FANCC: variants seen among roughly 807,000 people sequenced by gnomAD.
FANCC encodes Fanconi anemia group C protein.
Under a neutral mutation model 71.3 loss-of-function variants are expected in FANCC, and 55 were observed. The ratio of observed to expected loss-of-function variants is 0.77; its 90% CI spans 0.62 to 0.97. FANCC has a LOEUF of 0.97. FANCC is among the 50% of genes least tolerant of loss of function. The pLI is 0.00. For missense variants in FANCC, 678 were observed against 670.9 expected (o/e 1.01, Z -0.12); for synonymous variants, 275 against 244.9 (o/e 1.12, Z -1.15).
At chr9:95,212,614 A>G (rs771504841) in intron 4 of FANCC, among the ~76,000 whole-genome samples, 8 of 152,200 alleles carry the variant, frequency 5.3e-5, no homozygotes, top group Admixed American at 1.3e-4. Flanking sequence ...CTCAAGAGGA[A>G]GGAAAGTGAC....
intron 7 of FANCC, among the ~76,000 whole-genome samples, chr9:95,143,339 C>T (rs938553317): frequency 3.3e-5 from 5 of 152,132 alleles, no homozygotes; most frequent in African/African-American, 1.2e-4. Flanking sequence ...ACAATGTAAG[C>T]ACGACTGATT....
chr9:95,273,868 G>A lies in FANCC; in HGVS notation c.-78-24499C>T, dbSNP rs946750829. Among the ~76,000 whole-genome samples, 4 of 152,154 alleles carry A rather than the reference G, an allele frequency of 2.6e-5. No individual in the cohort carries two copies. In the East Asian group the frequency reaches 5.8e-4, roughly 22 times the overall value. ...CTGTCTGGGCAGACACTTCAAAACA[G>A]GGTGTAGCAAAGAGGAAATGATTGG... On this transcript the variant is annotated intron_variant, in intron 1 of 14. Transcript: ENST00000289081.
chr9:95,184,878 G>A lies in FANCC; in HGVS notation c.346-12731C>T, dbSNP rs182510664. ...TCCCTCCAATCACCTCTGGCTGAAC[G>A]TCCTAAAGGTACCAAGTACAGTAAA... On this transcript the variant is annotated intron_variant, in intron 4 of 14. Coordinates refer to ENST00000289081, the MANE Select transcript of FANCC (RefSeq NM_000136.3). Among the ~76,000 whole-genome samples the A allele has an allele frequency of 7.9e-5, 12 of 152,314 alleles. No homozygotes were observed. The East Asian group carries it at 1.4e-3, about 17-fold the overall frequency.
intron 4 of FANCC, among the ~76,000 whole-genome samples, chr9:95,219,044 G>GA (rs1344380270): frequency 1.3e-5 from 2 of 152,198 alleles, no homozygotes; most frequent in East Asian, 3.8e-4. Context: ...TCATTACAGA[G>GA]AAAAGTATGT....
At chr9:95,202,459 T>C (rs933521004) in intron 4 of FANCC, among the ~76,000 whole-genome samples, 2 of 152,212 alleles carry the variant, frequency 1.3e-5, no homozygotes, top group Admixed American at 1.3e-4. Context: ...GGGGCAGGGC[T>C]GCCTCTAGAA....
At chr9:95,149,856 C>T (rs1197476129) in intron 7 of FANCC, 67 bp downstream of exon 7, 7 of 1,522,970 alleles carry the variant, frequency 4.6e-6, no homozygotes, top group Non-Finnish European at 6.2e-6. Context: ...ACAGTCTTTC[C>T]AACACACCAC....
At chr9:95,270,493 G>C (rs1358742081) in intron 1 of FANCC, among the ~76,000 whole-genome samples, 1 of 152,212 alleles carries the variant, frequency 6.6e-6, no homozygotes, top group Non-Finnish European at 1.5e-5. Flanking sequence ...AGAAAAATAA[G>C]ATACTTCAGA....
intron 1 of FANCC, among the ~76,000 whole-genome samples, chr9:95,263,543 T>C (rs1291735290): frequency 1.3e-5 from 2 of 149,784 alleles, no homozygotes; most frequent in Admixed American, 6.7e-5. Context: ...TATAGATAGA[T>C]AGATAGATAG....
intron 11 of FANCC, among the ~76,000 whole-genome samples, chr9:95,116,083 A>T (rs1047838907): frequency 6.6e-6 from 1 of 152,280 alleles, no homozygotes; most frequent in Non-Finnish European, 1.5e-5. Flanking sequence ...ACATAAATCT[A>T]CAAGTTACAC....
intron 4 of FANCC, among the ~76,000 whole-genome samples, chr9:95,228,247 C>T (rs1312379505): frequency 6.6e-6 from 1 of 152,206 alleles, no homozygotes; most frequent in East Asian, 1.9e-4. Context: ...ACAGGTGCCA[C>T]ATTACAACAC....
rs142425923 is a variant in FANCC at position 95,294,109 on chromosome 9, T to G, written c.-79+23417A>C. ...TAATCAGACCCAAACCATAGATTTA[T>G]TAAGTGATTTGGAAAACATCTTGTC... On this transcript the variant is annotated intron_variant, in intron 1 of 14. Transcript: ENST00000289081. 2.1e-3 allele frequency: 3,316 copies of G among 1,610,504 alleles called. 72 individuals are homozygous for G. The African/African-American group carries it at 0.04, about 19-fold the overall frequency.
At chr9:95,138,241 G>GTTGGC (rs1199418078) in intron 7 of FANCC, among the ~76,000 whole-genome samples, 1 of 152,224 alleles carries the variant, frequency 6.6e-6, no homozygotes, top group Non-Finnish European at 1.5e-5. Context: ...ACAGGACCAC[G>GTTGGC]TTGGCTCTGA....
intron 1 of FANCC, chr9:95,294,640 A>G: frequency 2.5e-6 from 4 of 1,583,072 alleles, no homozygotes; most frequent in East Asian, 2.2e-5. Flanking sequence ...AACACAGACC[A>G]TGAGTTCTGG....
At chr9:95,133,273 A>G (rs1488025180) in intron 8 of FANCC, among the ~76,000 whole-genome samples, 2 of 152,258 alleles carry the variant, frequency 1.3e-5, no homozygotes, top group Non-Finnish European at 2.9e-5. Flanking sequence ...GCTTCCAGCC[A>G]TCGTCTGTAT....
intron 13 of FANCC, among the ~76,000 whole-genome samples, chr9:95,108,367 C>G (rs1588035130): frequency 1.3e-5 from 2 of 152,224 alleles, no homozygotes; most frequent in East Asian, 3.9e-4. Context: ...TACGGGAGCC[C>G]AAGGCCATTC....
intron 4 of FANCC, among the ~76,000 whole-genome samples, chr9:95,199,597 CACT>C (rs1827681171): frequency 6.6e-6 from 1 of 152,198 alleles, no homozygotes; most frequent in Non-Finnish European, 1.5e-5. Context: ...ATCTGAGCAC[CACT>C]GTGTGCCCAG....
chr9:95,279,652 AAAC>A (rs1564822687), intron 1 of FANCC, among the ~76,000 whole-genome samples: 1 of 152,316 alleles, frequency 6.6e-6, no homozygotes, highest in East Asian at 1.9e-4. Context: ...TGAGTGGAAT[AAAC>A]AATCCCATCA....
At chr9:95,121,837 G>A (rs2072903405) in intron 10 of FANCC, among the ~76,000 whole-genome samples, 1 of 151,916 alleles carries the variant, frequency 6.6e-6, no homozygotes, top group Non-Finnish European at 1.5e-5. Context: ...AAAGAGCAAA[G>A]GGATAATAAA....
chr9:95,100,095 G>T lies in FANCC; in HGVS notation c.*1612C>A. Reference sequence around the variant, plus strand: ...AAGTTCTGGCTTAAAGTCAGAACAGGAGAGAGGCCCTCAACTCCAGTGAAG... The same window carrying T: ...AAGTTCTGGCTTAAAGTCAGAACAGTAGAGAGGCCCTCAACTCCAGTGAAG... On this transcript the variant is annotated 3_prime_UTR_variant, in exon 15 of 15. Transcript: ENST00000289081. 4.3e-6 allele frequency: 1 copy of T among 232,662 alleles called. No individual in the cohort carries two copies. The highest frequency in any genetic ancestry group is 8.5e-6 in the Non-Finnish European group (1 of 117,642). The allele number at this position is 232,662 out of a possible 1,614,324, so 14.4% of individuals were successfully genotyped here. A position where few individuals can be genotyped will look rare whatever the true frequency, so the allele number is the denominator to read the frequency against.
Sources: gnomAD v4.1 joint callset for allele counts (sites outside exome capture counted in the v4.1 genomes callset) on GRCh38, gnomAD v4.1.1 for gene constraint, MANE v1.5 for transcripts, NCBI Gene and HGNC (gene_info 2026-07-23, HGNC 2026-07-21) for gene names.